The following YAF2 variants were observed in gnomAD, a reference collection of about 807,000 sequenced individuals.
YAF2 encodes the protein YY1 associated factor 2.
A neutral mutation model predicts 20.1 loss-of-function variants in YAF2; 7 were observed. The observed-to-expected ratio is 0.35, with a 90% CI of 0.20 to 0.65. The LOEUF is 0.65. Among genes scored for constraint, YAF2 ranks in the 30% least tolerant of loss-of-function variants. The probability of loss-of-function intolerance (pLI) is 0.69; values close to 1 mark genes in which losing one functional copy is unlikely to be tolerated. For missense variants in YAF2, 151 were observed against 219.2 expected, an observed-to-expected ratio of 0.69 and a Z score of 1.96; for synonymous variants, 74 against 76.0, an observed-to-expected ratio of 0.97 and a Z score of 0.14.
chr12:42,230,832 A>C (rs1186318637), intron 2 of YAF2, among the ~76,000 whole-genome samples: 2 of 152,236 alleles, frequency 1.3e-5, no homozygotes, highest in Admixed American at 1.3e-4. Context: ...TCTATGAAAA[A>C]GGAGTCTTAG....
At chr12:42,184,456 T>G (rs778396868) in intron 2 of YAF2, among the ~76,000 whole-genome samples, 23 of 152,110 alleles carry the variant, frequency 1.5e-4, no homozygotes, top group Non-Finnish European at 2.6e-4. Flanking sequence ...ACTACAGGCA[T>G]GTGCCACCAC....
intron 2 of YAF2, among the ~76,000 whole-genome samples, chr12:42,204,503 T>G (rs2066986232): frequency 6.6e-6 from 1 of 152,170 alleles, no homozygotes; most frequent in Non-Finnish European, 1.5e-5. Context: ...AATCTAGAGA[T>G]CATGTAATGC....
chr12:42,179,062 G>A (rs759972167), intron 2 of YAF2, among the ~76,000 whole-genome samples: 64 of 151,964 alleles, frequency 4.2e-4, no homozygotes, highest in Non-Finnish European at 8.7e-4. Flanking sequence ...CTTTCAAAAA[G>A]AAAGAAAAAA....
intron 2 of YAF2, among the ~76,000 whole-genome samples, chr12:42,169,953 C>T (rs2066005364): frequency 6.6e-6 from 1 of 152,040 alleles, no homozygotes; most frequent in South Asian, 2.1e-4. Context: ...TCACTACAGC[C>T]TCAACCTTCT....
At chr12:42,180,344 G>A (rs965655646) in intron 2 of YAF2, among the ~76,000 whole-genome samples, 1 of 152,170 alleles carries the variant, frequency 6.6e-6, no homozygotes, top group African/African-American at 2.4e-5. Context: ...GGAAGCCTCT[G>A]GTCAACAGGT....
chr12:42,234,575 G>GT, intron 2 of YAF2: 10 of 985,412 alleles, frequency 1.0e-5, no homozygotes, highest in Non-Finnish European at 1.2e-5. Context: ...TGCCATGAAT[G>GT]TAACTTCGTT....
chr12:42,210,291 CT>C, intron 2 of YAF2: 1 of 1,071,280 alleles, frequency 9.3e-7, no homozygotes, highest in Non-Finnish European at 1.3e-6. Context: ...AAACAAACTC[CT>C]TCTCAAGGGA....
chr12:42,185,554 A>G (rs1018855670), intron 2 of YAF2, among the ~76,000 whole-genome samples: 4 of 152,190 alleles, frequency 2.6e-5, no homozygotes, highest in Admixed American at 1.3e-4. Context: ...TTATTGTCTT[A>G]ATTTTAAAAA....
In YAF2 at chr12:42,216,089, T is replaced by C. The variant is rs570154370; in HGVS notation, c.152+21510A>G. On this transcript the variant is annotated intron_variant, in intron 2 of 3. Transcript: ENST00000534854. ...ATTTTGTAGTTATAATCTAAAGTCATTGTTAGAGGCATAGACTTAAAGATA... is the reference window on the plus strand; with the variant it reads ...ATTTTGTAGTTATAATCTAAAGTCACTGTTAGAGGCATAGACTTAAAGATA... 1.6e-3 allele frequency among the ~76,000 whole-genome samples: 251 copies of C among 152,254 alleles called. 2 individuals carry two copies. Among genetic ancestry groups the C allele is most frequent in the Non-Finnish European group, 2.8e-3 (192 of 68,006 alleles).
Position 42,237,644 on chromosome 12 carries a change from G to T in YAF2, c.107C>A (p.Ala36Asp), listed in dbSNP as rs2068217016. 5 of 1,575,122 alleles carry T rather than the reference G, an allele frequency of 3.2e-6. No homozygotes were observed. The highest frequency in any genetic ancestry group is 4.3e-6 in the Non-Finnish European group (5 of 1,161,806). ...CACATCGCACATCATGCACTTGAAGGCCTCGGCGCTGTTCCGGAAGGTGCA... is the reference window on the plus strand; with the variant it reads ...CACATCGCACATCATGCACTTGAAGTCCTCGGCGCTGTTCCGGAAGGTGCA... ...SVCTFRNSAE[A>D]FKCMMCDVRK... The change falls in exon 2 of 4, where the codon GCC (alanine) becomes GAC (aspartate). Residue 36 changes from alanine to aspartate, a missense_variant. This residue lies in a region of YAF2 where 50 missense variants were observed against 58.3 expected (regional missense o/e 0.86). Coordinates refer to ENST00000534854, the MANE Select transcript of YAF2 (RefSeq NM_005748.6).
At chr12:42,226,419 T>A (rs528341505) in intron 2 of YAF2, among the ~76,000 whole-genome samples, 1 of 152,164 alleles carries the variant, frequency 6.6e-6, no homozygotes. Context: ...TCCCAACATT[T>A]TGGAGGCCAA....
chr12:42,207,794 G>GCCAGGAGAATGGCGTGAAC (rs1555159697), intron 2 of YAF2, among the ~76,000 whole-genome samples: 2 of 151,336 alleles, frequency 1.3e-5, no homozygotes, highest in Non-Finnish European at 3.0e-5. Context: ...GGGAGGCTGA[G>GCCAGGAGAATGGCGTGAAC]GCAGGAGAAT....
intron 2 of YAF2, among the ~76,000 whole-genome samples, chr12:42,165,454 T>A (rs2065891203): frequency 6.7e-6 from 1 of 150,006 alleles, no homozygotes; most frequent in Non-Finnish European, 1.5e-5. Context: ...GGCCAAAAGG[T>A]TTTTGTTTTT....
intron 2 of YAF2, chr12:42,205,841 A>T: frequency 2.5e-6 from 1 of 393,876 alleles, no homozygotes. Context: ...ATCCCCAAGT[A>T]CCATTTTTGT....
intron 2 of YAF2, chr12:42,233,189 G>A: frequency 1.0e-6 from 1 of 985,314 alleles, no homozygotes; most frequent in Non-Finnish European, 1.2e-6. Flanking sequence ...TTTCTACTAT[G>A]TGAAATCTTT....
chr12:42,176,078 C>A (rs892912420), intron 2 of YAF2, among the ~76,000 whole-genome samples: 10 of 152,064 alleles, frequency 6.6e-5, no homozygotes, highest in South Asian at 2.1e-4. Context: ...GAAACTCCGT[C>A]TCTACTAAAA....
chr12:42,175,672 T>G (rs2066164639), intron 2 of YAF2, among the ~76,000 whole-genome samples: 1 of 126,982 alleles, frequency 7.9e-6, no homozygotes, highest in Non-Finnish European at 1.6e-5. Flanking sequence ...GTCAAAAGAT[T>G]GAGACCATCC....
At chr12:42,175,983 A>T (rs1377900753) in intron 2 of YAF2, among the ~76,000 whole-genome samples, 1 of 152,008 alleles carries the variant, frequency 6.6e-6, no homozygotes, top group Non-Finnish European at 1.5e-5. Context: ...TTGGTGGCTC[A>T]CACCCATAAT....
intron 2 of YAF2, among the ~76,000 whole-genome samples, chr12:42,170,178 T>G (rs2066011716): frequency 6.6e-6 from 1 of 152,160 alleles, no homozygotes; most frequent in Non-Finnish European, 1.5e-5. Flanking sequence ...GGCTATGTTA[T>G]GTGTTTTTGA....
Sources: allele counts gnomAD v4.1 joint callset (sites outside exome capture counted in the v4.1 genomes callset), GRCh38; gene constraint gnomAD v4.1.1; regional missense constraint gnomAD v4.1.1; transcripts MANE v1.5; gene names NCBI Gene and HGNC (gene_info 2026-07-23, HGNC 2026-07-21).